Variants in TBPL2 observed in about 807,000 individuals in gnomAD.
TBPL2 encodes TATA-box binding protein like 2.
A neutral mutation model predicts 38.2 loss-of-function variants in TBPL2; 40 were observed. The observed-to-expected ratio is 1.05, with a 90% confidence interval of 0.81 to 1.36. The LOEUF (loss-of-function observed/expected upper bound fraction) is 1.36, where lower values mean the gene tolerates loss of function less well. TBPL2 is among the 40% of genes most tolerant of loss of function. The pLI, the probability that TBPL2 is intolerant of heterozygous loss-of-function variation, is 0.00. For synonymous variants in TBPL2, 169 were observed against 171.7 expected (o/e 0.98, Z 0.12); for missense variants, 461 against 456.7 (o/e 1.01, Z -0.09).
At chr14:55,433,808 CA>C (rs764594931) in intron 3 of TBPL2, 87 bp from the exon 4 acceptor site, 4 of 1,200,398 alleles carry the variant, frequency 3.3e-6, no homozygotes, top group Non-Finnish European at 4.8e-6. Context: ...ATGAAAATCT[CA>C]AACAGATTGG....
chr14:55,424,269 A>T lies in TBPL2; in HGVS notation c.957-16T>A. On this transcript the variant is annotated splice_polypyrimidine_tract_variant and intron_variant, in intron 5 of 6. Transcript: ENST00000247219. ...AGGCTCGTAACTGTTAAGATGTAAA[A>T]GGAAAATGTTAAAAATAGCACTATT... is the stretch of plus-strand genomic sequence containing the variant. 1 of 1,565,906 alleles carries T rather than the reference A, an allele frequency of 6.4e-7. No homozygotes were observed. Among genetic ancestry groups the T allele is most frequent in the Non-Finnish European group, 8.8e-7 (1 of 1,137,610 alleles).
At chr14:55,429,760 C>A (rs1335479546) in intron 4 of TBPL2, among the ~76,000 whole-genome samples, 3 of 114,628 alleles carry the variant, frequency 2.6e-5, no homozygotes, top group African/African-American at 9.3e-5. Context: ...GAGTGAAACT[C>A]CGTCTCAAAA....
At chr14:55,417,453 TAAAAAAAAAAAAA>T (rs539769285) in intron 6 of TBPL2, among the ~76,000 whole-genome samples, 54 of 91,344 alleles carry the variant, frequency 5.9e-4, no homozygotes, top group South Asian at 7.6e-4. Context: ...ACCCTTGCCT[TAAAAAAAAAAAAA>T]AAAAAAAAAA....
chr14:55,414,335 G>A (rs1157227468), exon 7 of TBPL2: 1 of 1,404,100 alleles, frequency 7.1e-7, no homozygotes, highest in Non-Finnish European at 9.9e-7. Flanking sequence ...CTGGGCTTAT[G>A]GACATATTCA....
intron 5 of TBPL2, among the ~76,000 whole-genome samples, chr14:55,427,402 G>C (rs1885842606): frequency 6.6e-6 from 1 of 152,116 alleles, no homozygotes; most frequent in African/African-American, 2.4e-5. Flanking sequence ...AGAAGAAAAA[G>C]GAATTTTTAA....
At chr14:55,432,444 C>CAAAAAAAACACA (rs1555344433) in intron 4 of TBPL2, among the ~76,000 whole-genome samples, 17 of 147,522 alleles carry the variant, frequency 1.2e-4, no homozygotes, top group African/African-American at 4.3e-4. Flanking sequence ...AAACAAACAA[C>CAAAAAAAACACA]AAAAAAAACA....
chr14:55,431,650 C>T (rs1885927539), intron 4 of TBPL2, among the ~76,000 whole-genome samples: 1 of 152,148 alleles, frequency 6.6e-6, no homozygotes, highest in Admixed American at 6.5e-5. Context: ...TGTACTCAGA[C>T]ACATGTGAAG....
chr14:55,431,403 G>T (rs1193809563), intron 4 of TBPL2, among the ~76,000 whole-genome samples: 1 of 152,186 alleles, frequency 6.6e-6, no homozygotes, highest in Admixed American at 6.5e-5. Context: ...CCATTTAGCT[G>T]CTTACTTCTC....
chr14:55,433,388 AGCG>A (rs1566594490), intron 4 of TBPL2, among the ~76,000 whole-genome samples: 4 of 148,658 alleles, frequency 2.7e-5, no homozygotes, highest in African/African-American at 1.0e-4. Context: ...CCTGGGCTCA[AGCG>A]ATCCTCCTGC....
chr14:55,416,554 T>TA (rs1209246020), intron 6 of TBPL2, among the ~76,000 whole-genome samples: 3 of 152,212 alleles, frequency 2.0e-5, no homozygotes, highest in African/African-American at 7.2e-5. Flanking sequence ...GAGAGTGAGT[T>TA]ACTGACACAC....
At chr14:55,414,400 T>G (rs758745398) in exon 7 of TBPL2, 5 of 1,606,350 alleles carry the variant, frequency 3.1e-6, no homozygotes, top group Non-Finnish European at 4.2e-6. Context: ...TAAAACCTTT[T>G]AGAATAGGAT....
rs59117260 is a variant in TBPL2, at chr14:55,414,727, T to C, written c.1052-272A>G. 1.7e-3 allele frequency among the ~76,000 whole-genome samples: 262 copies of C among 152,320 alleles called. 1 individual carries two copies. Among genetic ancestry groups the C allele is most frequent in the African/African-American group, 5.9e-3 (244 of 41,572 alleles). On this transcript the variant is annotated intron_variant, in intron 6 of 6. Transcript: ENST00000247219. ...AGTATGAAATGTGGAATGTTATCTC[T>C]ACATGTGCCATGAATATGGCCTCAG...
At chr14:55,416,608 C>T (rs370680988) in intron 6 of TBPL2, among the ~76,000 whole-genome samples, 18 of 152,234 alleles carry the variant, frequency 1.2e-4, no homozygotes, top group African/African-American at 4.3e-4. Flanking sequence ...CCACAAGTTT[C>T]AGCAGATTTT....
chr14:55,429,864 T>C (rs993425799), intron 4 of TBPL2, among the ~76,000 whole-genome samples: 1 of 150,716 alleles, frequency 6.6e-6, no homozygotes, highest in Non-Finnish European at 1.5e-5. Flanking sequence ...TATGTGCTGA[T>C]TGAGTGGCAC....
At chr14:55,428,943 A>G (rs757177371) in exon 5 of TBPL2, 2 of 1,613,948 alleles carry the variant, frequency 1.2e-6, no homozygotes, top group East Asian at 4.5e-5. Flanking sequence ...ACACGAGCAT[A>G]TTTTCTTGCT....
rs745461223 is a variant in TBPL2, at chr14:55,437,027, T to C, written c.151-9A>G. The C allele has an allele frequency of 1.2e-6, 2 of 1,611,208 alleles. No homozygotes were observed. Among genetic ancestry groups the C allele is most frequent in the Non-Finnish European group, 1.7e-6 (2 of 1,177,650 alleles). On this transcript the variant is annotated splice_polypyrimidine_tract_variant and intron_variant, in intron 1 of 6. Coordinates refer to ENST00000247219, the Ensembl canonical transcript of TBPL2. ...GGTGGGGCAAGGCCATCCTAGGCAG[T>C]TCCCAAAACAGACAGACAAAAACAC... is the stretch of plus-strand genomic sequence containing the variant.
chr14:55,422,541 G>A (rs1435338979), intron 6 of TBPL2, among the ~76,000 whole-genome samples: 2 of 152,026 alleles, frequency 1.3e-5, no homozygotes, highest in Middle Eastern at 3.2e-3. Context: ...GAGCCACCGC[G>A]CCCGGTCATA....
chr14:55,427,827 C>CTA lies in TBPL2; in HGVS notation c.956+978_956+979dup, dbSNP rs746095750. Among the ~76,000 whole-genome samples, 391 of 133,070 alleles carry CTA rather than the reference C, an allele frequency of 2.9e-3. 1 individual carries two copies. Among genetic ancestry groups the CTA allele is most frequent in the Admixed American group, 4.9e-3 (69 of 14,202 alleles). The allele number at this position is 133,070 out of a possible 152,430, so 87.3% of individuals were successfully genotyped here. A position where few individuals can be genotyped will look rare whatever the true frequency, so the allele number is the denominator to read the frequency against. On this transcript the variant is annotated intron_variant, in intron 5 of 6. Coordinates refer to ENST00000247219, the Ensembl canonical transcript of TBPL2. ...GGCAACATTGTGTTGCGGGCTGCAG[C>CTA]TATATACACACACACACACACACAC...
chr14:55,440,354 G>A, intron 1 of TBPL2, 42 bp downstream of exon 1: 1 of 1,611,172 alleles, frequency 6.2e-7, no homozygotes, highest in Non-Finnish European at 8.5e-7. Flanking sequence ...AGGACCGGGC[G>A]GGACTTGGGT....
Sources: gnomAD v4.1 joint callset for allele counts (sites outside exome capture counted in the v4.1 genomes callset) on GRCh38, gnomAD v4.1.1 for gene constraint, MANE v1.5 for transcripts, NCBI Gene and HGNC (gene_info 2026-07-23, HGNC 2026-07-21) for gene names.